NLRP12: variants seen among roughly 807,000 people sequenced by gnomAD.
The protein encoded by NLRP12 is NLR family pyrin domain containing 12.
A neutral mutation model predicts 91.2 loss-of-function variants in NLRP12; 108 were observed. The ratio of observed to expected loss-of-function variants is 1.18; its 90% CI spans 1.01 to 1.39. The LOEUF (loss-of-function observed/expected upper bound fraction) is 1.39. Among genes scored for constraint, NLRP12 ranks in the 40% most tolerant of loss-of-function variants. The pLI is 0.00. For missense variants in NLRP12, 1,530 were observed against 1,352.7 expected, an observed-to-expected ratio of 1.13 and a Z score of -2.06; for synonymous variants, 613 against 566.7, an observed-to-expected ratio of 1.08 and a Z score of -1.16.
At position 53,794,228 on chromosome 19, in the gene NLRP12, A is replaced by G; in HGVS notation, c.3099-92T>C. ...ATCTATTGTGCACTACCGTGGTAAG[A>G]TAATTCCATGATCCTCCAGAAATTC... On this transcript the variant is annotated intron_variant, in intron 9 of 9. Coordinates refer to ENST00000324134, the MANE Select transcript of NLRP12 (RefSeq NM_144687.4). 6 of 887,144 alleles carry G rather than the reference A, an allele frequency of 6.8e-6. No individual in the cohort carries two copies. The Admixed American group carries it at 7.3e-5, about 11-fold the overall frequency. 55.0% of individuals were successfully genotyped at this position (887,144 alleles called of 1,614,324 possible).
At chr19:53,817,601 T>C (rs2092181520) in intron 1 of NLRP12, among the ~76,000 whole-genome samples, 1 of 151,628 alleles carries the variant, frequency 6.6e-6, no homozygotes, top group Non-Finnish European at 1.5e-5. Flanking sequence ...CTGGGCGTGG[T>C]GGCAGATGCC....
chr19:53,800,632 G>A (rs1300712735), intron 7 of NLRP12, among the ~76,000 whole-genome samples: 1 of 151,670 alleles, frequency 6.6e-6, no homozygotes, highest in Non-Finnish European at 1.5e-5. Flanking sequence ...GCCCAGACTG[G>A]AGTGCAATGG....
chr19:53,819,590 C>T (rs572621362), intron 1 of NLRP12, among the ~76,000 whole-genome samples: 3 of 52,324 alleles, frequency 5.7e-5, no homozygotes, highest in African/African-American at 1.4e-4. Flanking sequence ...TGTATGTATA[C>T]GTATATACGC....
chr19:53,816,836 C>T (rs2092167556), intron 1 of NLRP12, among the ~76,000 whole-genome samples: 3 of 151,628 alleles, frequency 2.0e-5, no homozygotes, highest in Admixed American at 2.0e-4. Flanking sequence ...GCTACTGCAC[C>T]CGGCCACTCA....
intron 1 of NLRP12, 68 bp from the exon 2 acceptor site, chr19:53,815,056 C>T (rs1051767002): frequency 2.6e-5 from 30 of 1,168,732 alleles, no homozygotes; most frequent in Non-Finnish European, 3.1e-5. Flanking sequence ...ATATTAGCTG[C>T]GATTACGTCG....
intron 2 of NLRP12, 115 bp from the exon 3 acceptor site, chr19:53,811,403 A>G (rs2092074445): frequency 8.2e-7 from 1 of 1,213,012 alleles, no homozygotes; most frequent in Non-Finnish European, 1.2e-6. Flanking sequence ...AGTTCCAGCT[A>G]CTCAGGAGGC....
At position 53,810,364 on chromosome 19, in the gene NLRP12, G is replaced by A; in HGVS notation, c.1295C>T (p.Thr432Ile). The A allele has an allele frequency of 6.2e-7, 1 of 1,613,626 alleles. No individual in the cohort carries two copies. The highest frequency in any genetic ancestry group is 8.5e-7 in the Non-Finnish European group (1 of 1,180,018). Residue 432 changes from threonine to isoleucine, a missense_variant, in exon 3 of 10, where the codon ACT becomes ATT. Physicochemically the swap from Thr to Ile is moderately conservative, Grantham distance 89 (BLOSUM62 -1). Transcript: ENST00000324134. ...GLLRQTSRTTTAVYMLYLLSL... is the reference protein window; with the variant it reads ...GLLRQTSRTTIAVYMLYLLSL... Reference sequence around the variant, plus strand: ...CAGCAGGTAGAGCATGTACACTGCAGTGGTGGTCCTGGACGTCTGTCTCAA... The same window carrying A: ...CAGCAGGTAGAGCATGTACACTGCAATGGTGGTCCTGGACGTCTGTCTCAA...
chr19:53,802,788 A>G (rs1003488693), intron 6 of NLRP12, among the ~76,000 whole-genome samples: 12 of 151,902 alleles, frequency 7.9e-5, no homozygotes, highest in African/African-American at 2.9e-4. Context: ...TTTTTATTTT[A>G]TTAGGGACAG....
At chr19:53,797,943 T>G (rs1475053604) in intron 8 of NLRP12, among the ~76,000 whole-genome samples, 1 of 138,240 alleles carries the variant, frequency 7.2e-6, no homozygotes, top group African/African-American at 2.7e-5. Flanking sequence ...TTCACCGTGT[T>G]AGGCTGGTCT....
rs764802755 is a variant in NLRP12 at position 53,809,748 on chromosome 19, C to T, written c.1911G>A (p.Val637=). ...CCATCTTGGAGGCAATGTTGCTGAC[C>T]ACGATCACCTGGAAGTGGCTCAGGG... ...QQALSHFQVI[V]VSNIASKMEH... Residue 637 remains valine, a synonymous_variant, in exon 3 of 10, where the codon GTG becomes GTA. Coordinates refer to ENST00000324134, the MANE Select transcript of NLRP12 (RefSeq NM_144687.4). 2.5e-6 allele frequency: 4 copies of T among 1,614,132 alleles called. No homozygotes were observed. The South Asian group carries it at 3.3e-5, about 13-fold the overall frequency.
chr19:53,817,613 G>C (rs2092181850), intron 1 of NLRP12, among the ~76,000 whole-genome samples: 1 of 151,768 alleles, frequency 6.6e-6, no homozygotes, highest in Admixed American at 6.6e-5. Flanking sequence ...GCAGATGCCT[G>C]TAATCCCAGC....
chr19:53,816,873 A>C (rs762987851), intron 1 of NLRP12, among the ~76,000 whole-genome samples: 5 of 151,874 alleles, frequency 3.3e-5, no homozygotes, highest in African/African-American at 4.8e-5. Flanking sequence ...GAAGGTTATC[A>C]TTGAGAGGAA....
chr19:53,816,516 TTTTA>T (rs1408953412), intron 1 of NLRP12, among the ~76,000 whole-genome samples: 4 of 151,866 alleles, frequency 2.6e-5, no homozygotes, highest in African/African-American at 7.3e-5. Flanking sequence ...TCTGGCACCA[TTTTA>T]TTTATTTATT....
chr19:53,823,510 TA>T lies in NLRP12; in HGVS notation c.289+375del, dbSNP rs371946573. ...TTAAAATATATTTATTTAAAATATATATTTAAAACATATATTTTAAATATAT... is the reference window on the plus strand; with the variant it reads ...TTAAAATATATTTATTTAAAATATATTTTAAAACATATATTTTAAATATAT... On this transcript the variant is annotated intron_variant, in intron 1 of 9. Coordinates refer to ENST00000324134, the MANE Select transcript of NLRP12 (RefSeq NM_144687.4). Among the ~76,000 whole-genome samples the T allele has an allele frequency of 5.4e-4, 26 of 48,012 alleles. 1 individual carries two copies. The highest frequency in any genetic ancestry group is 1.6e-3 in the African/African-American group (23 of 14,368). 31.5% of individuals were successfully genotyped at this position (48,012 alleles called of 152,430 possible).
chr19:53,798,760 C>T lies in NLRP12; in HGVS notation c.2757-347G>A, dbSNP rs61267320. Among the ~76,000 whole-genome samples, 961 of 152,052 alleles carry T rather than the reference C, an allele frequency of 6.3e-3. 10 individuals carry two copies. Among genetic ancestry groups the T allele is most frequent in the African/African-American group, 0.022 (914 of 41,480 alleles). On this transcript the variant is annotated intron_variant, in intron 7 of 9. Coordinates refer to ENST00000324134, the MANE Select transcript of NLRP12 (RefSeq NM_144687.4). ...CAAAAAAAAATTTTTTTTCTTTTTG[C>T]GATGGCGTTTCCCTCTTGTTGTCCA...
In NLRP12 at chr19:53,811,078, A is replaced by G. The variant is rs1177743594; in HGVS notation, c.581T>C (p.Ile194Thr). Residue 194 changes from isoleucine (I) to threonine (T), a missense_variant, in exon 3 of 10, where the codon ATC (isoleucine) becomes ACC (threonine). Physicochemically the swap from Ile to Thr is moderately conservative, Grantham distance 89 (BLOSUM62 -1). Transcript: ENST00000324134. ...ARTVGHQASPIKIETLFEPDE... is the reference protein window; with the variant it reads ...ARTVGHQASPTKIETLFEPDE... ...TGGCTCAAAGAGGGTCTCTATCTTG[A>G]TGGGGCTAGCCTGGTGTCCCACGGT... 1.2e-6 allele frequency: 2 copies of G among 1,612,996 alleles called. No individual in the cohort carries two copies. Among genetic ancestry groups the G allele is most frequent in the East Asian group, 4.5e-5 (2 of 44,822 alleles).
chr19:53,815,841 A>G (rs964481628), intron 1 of NLRP12, among the ~76,000 whole-genome samples: 93 of 150,360 alleles, frequency 6.2e-4, no homozygotes, highest in African/African-American at 2.2e-3. Context: ...TGAACTCCTG[A>G]CCTCGTGATC....
Position 53,824,231 on chromosome 19 carries a change from G to A in NLRP12, c.-57C>T, listed in dbSNP as rs1292536916. 20 of 1,567,430 alleles carry A rather than the reference G, an allele frequency of 1.3e-5. No homozygotes were observed. The highest frequency in any genetic ancestry group is 1.7e-5 in the Non-Finnish European group (19 of 1,145,396). On this transcript the variant is annotated 5_prime_UTR_variant, in exon 1 of 10. Transcript: ENST00000324134. ...TGGAGGCTGAGATGCTCCTATGCAC[G>A]GGACACAGGGCGACCCCAGCACACC...
intron 1 of NLRP12, among the ~76,000 whole-genome samples, chr19:53,818,072 G>A (rs1599860909): frequency 6.7e-6 from 1 of 148,214 alleles, no homozygotes; most frequent in African/African-American, 2.4e-5. Flanking sequence ...ATGAGCCACT[G>A]CAGCTGGTTG....
Sources: gnomAD v4.1 joint callset for allele counts (sites outside exome capture counted in the v4.1 genomes callset) on GRCh38, gnomAD v4.1.1 for gene constraint, MANE v1.5 for transcripts, NCBI Gene and HGNC (gene_info 2026-07-23, HGNC 2026-07-21) for gene names.